IRS2: variants seen among roughly 807,000 people sequenced by gnomAD.
IRS2 encodes the protein insulin receptor substrate 2.
IRS2 carries 28 observed loss-of-function variants against 70.9 expected under a neutral mutation model. The ratio of observed to expected loss-of-function variants is 0.39; its 90% confidence interval spans 0.29 to 0.54. The LOEUF (loss-of-function observed/expected upper bound fraction) is 0.54, where lower values mean the gene tolerates loss of function less well. Among genes scored for constraint, IRS2 ranks in the 20% least tolerant of loss-of-function variants. IRS2 has a pLI of 0.59. For missense variants in IRS2, 2,081 were observed against 2,024.1 expected (o/e 1.03, Z -0.54); for synonymous variants, 1,217 against 981.9 (o/e 1.24, Z -4.48).
At chr13:109,764,688 T>C (rs1191001368) in intron 1 of IRS2, among the ~76,000 whole-genome samples, 1 of 152,190 alleles carries the variant, frequency 6.6e-6, no homozygotes, top group Admixed American at 6.5e-5. Context: ...ATGTTCTGGC[T>C]AATTTGTGGA....
chr13:109,784,108 GC>G lies in IRS2; in HGVS notation c.1945del (p.Ala649GlnfsTer8). The G allele has an allele frequency of 6.3e-7, 1 of 1,594,362 alleles. No homozygotes were observed. On this transcript the variant is annotated frameshift_variant, in exon 1 of 2. Coordinates refer to ENST00000375856, the MANE Select transcript of IRS2 (RefSeq NM_003749.3). LOFTEE classifies it high-confidence loss of function. The surrounding 1 kb of genome is among the most constrained non-coding windows in gnomAD (Gnocchi z 5.2). The stretch of plus-strand genomic sequence containing the variant: ...CGTCATGGGCATGTAGCCGTCGTCT[GC>G]CCCCAGGTTGCTGCTGGAGCTCCTG... ...SHRSSSSNLG[A>X]DDGYMPMTPG...
chr13:109,759,858 G>C (rs562321881), intron 1 of IRS2, among the ~76,000 whole-genome samples: 1 of 152,200 alleles, frequency 6.6e-6, no homozygotes, highest in African/African-American at 2.4e-5. Flanking sequence ...CCACCCACCT[G>C]ACAGCCACCC....
rs1465467067 is a variant in IRS2 at position 109,782,763 on chromosome 13, G to A, written c.3291C>T (p.Arg1097=). ...TCACGCCCGACGTCGGGCTGGCCACGCGGGCAGCTTCTGGCTTCGGGGGGG... is the reference window on the plus strand; with the variant it reads ...TCACGCCCGACGTCGGGCTGGCCACACGGGCAGCTTCTGGCTTCGGGGGGG... The part of the protein sequence containing the change: ...IAAPPKPEAA[R]VASPTSGVKR... The change falls in exon 1 of 2, where the codon CGC becomes CGT. Residue 1097 remains arginine, a synonymous_variant. Transcript: ENST00000375856. 3 of 1,602,692 alleles carry A rather than the reference G, an allele frequency of 1.9e-6. No individual in the cohort carries two copies. The highest frequency in any genetic ancestry group is 1.7e-5 in the Admixed American group (1 of 59,138).
In IRS2 at chr13:109,785,302, G is replaced by C. The variant is rs2138937971; in HGVS notation, c.752C>G (p.Ser251Trp). 6.2e-7 allele frequency: 1 copy of C among 1,609,302 alleles called. No individual in the cohort carries two copies. Among genetic ancestry groups the C allele is most frequent in the Non-Finnish European group, 8.5e-7 (1 of 1,178,634 alleles). Residue 251 changes from serine to tryptophan, a missense_variant, in exon 1 of 2, where the codon TCG (serine) becomes TGG (tryptophan). By Grantham distance (177) the Ser-to-Trp change is radical (BLOSUM62 -3). Around this residue, in one of 4 missense-constraint regions of IRS2, gnomAD observed 35 missense variants for 78.6 expected, o/e 0.45. Coordinates refer to ENST00000375856, the MANE Select transcript of IRS2 (RefSeq NM_003749.3). The surrounding 1 kb of genome is among the most constrained non-coding windows in gnomAD (Gnocchi z 9.3). ...QLMNIRRCGH[S>W]DSFFFIEVGR... ...CACCTCGATGAAGAAGAAGCTGTCC[G>C]AGTGGCCGCAGCGGCGGATGTTCAT... is the stretch of plus-strand genomic sequence containing the variant.
rs779858983 is a variant in IRS2, at chr13:109,785,769, G to C, written c.285C>G (p.Leu95=). Residue 95 remains leucine, a synonymous_variant, in exon 1 of 2, where the codon CTC becomes CTG. Coordinates refer to ENST00000375856, the MANE Select transcript of IRS2 (RefSeq NM_003749.3). The surrounding 1 kb of genome is among the most constrained non-coding windows in gnomAD (Gnocchi z 9.3). ...GCTTGTTGATGTTCAGGCAGCAGTC[G>C]AGAGCGATCACCCGTTTCGGCGCGC... ...KAGAPKRVIA[L]DCCLNINKRA... is the part of the protein sequence containing the mutation. 6.3e-7 allele frequency: 1 copy of C among 1,593,104 alleles called. No individual in the cohort carries two copies. Among genetic ancestry groups the C allele is most frequent in the Non-Finnish European group, 8.5e-7 (1 of 1,176,898 alleles).
At chr13:109,778,078 A>G (rs1053314703) in intron 1 of IRS2, among the ~76,000 whole-genome samples, 2 of 152,250 alleles carry the variant, frequency 1.3e-5, no homozygotes, top group Non-Finnish European at 2.9e-5. Context: ...TTTCAAAGCA[A>G]TAAGTATCAA....
chr13:109,777,579 A>T (rs939180008), intron 1 of IRS2, among the ~76,000 whole-genome samples: 15 of 152,212 alleles, frequency 9.9e-5, no homozygotes, highest in Non-Finnish European at 1.0e-4. Flanking sequence ...TGCAGGAATG[A>T]CCACCCTCAT....
At chr13:109,777,120 G>T (rs1877596254) in intron 1 of IRS2, among the ~76,000 whole-genome samples, 1 of 152,102 alleles carries the variant, frequency 6.6e-6, no homozygotes, top group Non-Finnish European at 1.5e-5. Flanking sequence ...AGGATGGGGG[G>T]CGGGGGGCAC....
chr13:109,755,166 C>T lies in IRS2; in HGVS notation c.*1138G>A, dbSNP rs1020273376. 1.3e-5 allele frequency: 3 copies of T among 229,780 alleles called. No individual in the cohort carries two copies. Among genetic ancestry groups the T allele is most frequent in the African/African-American group, 6.7e-5 (3 of 44,828 alleles). The allele number at this position is 229,780 out of a possible 1,614,324, so 14.2% of individuals were successfully genotyped here. A position where few individuals can be genotyped will look rare whatever the true frequency, so the allele number is the denominator to read the frequency against. ...GCTTTTCTTCTTTTTCTTTTTCCATCAATAACATAGGGGCTGGAATGCCTC... is the reference window on the plus strand; with the variant it reads ...GCTTTTCTTCTTTTTCTTTTTCCATTAATAACATAGGGGCTGGAATGCCTC... On this transcript the variant is annotated 3_prime_UTR_variant, in exon 2 of 2. Transcript: ENST00000375856.
Position 109,784,282 on chromosome 13 carries a change from G to T in IRS2, c.1772C>A (p.Ser591Tyr), listed in dbSNP as rs751949460. The T allele has an allele frequency of 6.3e-7, 1 of 1,596,326 alleles. No individual in the cohort carries two copies. The highest frequency in any genetic ancestry group is 1.7e-5 in the Admixed American group (1 of 59,150). ...GGTGTATTCATCCAGCGAGGCAGAG[G>T]AGGGCTGGGGCACCGGCCGCTGCCG... ...PARQRPVPQP[S>Y]SASLDEYTLM... is the part of the protein sequence containing the mutation. The change falls in exon 1 of 2, where the codon TCC becomes TAC. Residue 591 changes from serine (S) to tyrosine (Y), a missense_variant. Transcript: ENST00000375856. The surrounding 1 kb of genome is among the most constrained non-coding windows in gnomAD (Gnocchi z 5.2).
Position 109,753,821 on chromosome 13 carries a change from A to T in IRS2, c.*2483T>A, listed in dbSNP as rs1877046476. The stretch of plus-strand genomic sequence containing the variant: ...TTAAACAGAGAATTCGTACAGAAAA[A>T]ATCTTCAGGACTGTATTCATTTCAT... On this transcript the variant is annotated 3_prime_UTR_variant, in exon 2 of 2. Transcript: ENST00000375856. The T allele has an allele frequency of 4.7e-6, 1 of 214,132 alleles. No individual in the cohort carries two copies. Among genetic ancestry groups the T allele is most frequent in the Non-Finnish European group, 9.4e-6 (1 of 105,926 alleles). 13.3% of individuals were successfully genotyped at this position (214,132 alleles called of 1,614,324 possible). A position where few individuals can be genotyped will look rare whatever the true frequency, so the allele number is the denominator to read the frequency against.
chr13:109,783,127 G>C lies in IRS2; in HGVS notation c.2927C>G (p.Ser976Cys), dbSNP rs759366944. ...GCTGAAGTCGAGGTTCATGTAGTCGGAGAGCGGAGACCGCTGCCGGCTGTC... is the reference window on the plus strand; with the variant it reads ...GCTGAAGTCGAGGTTCATGTAGTCGCAGAGCGGAGACCGCTGCCGGCTGTC... ...SSDSRQRSPLSDYMNLDFSSP... is the reference protein window; with the variant it reads ...SSDSRQRSPLCDYMNLDFSSP... The change falls in exon 1 of 2, where the codon TCC (serine) becomes TGC (cysteine). Residue 976 changes from serine to cysteine, a missense_variant. Coordinates refer to ENST00000375856, the MANE Select transcript of IRS2 (RefSeq NM_003749.3). 7.2e-6 allele frequency: 10 copies of C among 1,387,796 alleles called. No individual in the cohort carries two copies. The highest frequency in any genetic ancestry group is 9.3e-6 in the Non-Finnish European group (10 of 1,077,890). The allele number at this position is 1,387,796 out of a possible 1,614,324, so 86.0% of individuals were successfully genotyped here.
chr13:109,783,776 G>C lies in IRS2; in HGVS notation c.2278C>G (p.Leu760Val). Residue 760 changes from leucine (L) to valine (V), a missense_variant, in exon 1 of 2, where the codon CTG becomes GTG. Leu to Val is a conservative substitution (Grantham distance 32). This residue lies in a region of IRS2 where 1,615 missense variants were observed against 1,459.5 expected (regional missense o/e 1.11). Coordinates refer to ENST00000375856, the MANE Select transcript of IRS2 (RefSeq NM_003749.3). ...TTGAGGTAGTCCCCGTTGGGCAGCAGCTTGCCATCTGCATGCTCCATGGAC... is the reference window on the plus strand; with the variant it reads ...TTGAGGTAGTCCCCGTTGGGCAGCACCTTGCCATCTGCATGCTCCATGGAC... ...KLSMEHADGK[L>V]LPNGDYLNVS... 1 of 1,597,568 alleles carries C rather than the reference G, an allele frequency of 6.3e-7. No homozygotes were observed. The highest frequency in any genetic ancestry group is 8.5e-7 in the Non-Finnish European group (1 of 1,172,564).
chr13:109,764,032 C>T (rs1162035299), intron 1 of IRS2, among the ~76,000 whole-genome samples: 1 of 152,150 alleles, frequency 6.6e-6, no homozygotes, highest in Non-Finnish European at 1.5e-5. Context: ...TAAAAGCCTC[C>T]TAAGAATCAC....
intron 1 of IRS2, among the ~76,000 whole-genome samples, chr13:109,779,174 A>G (rs1270752428): frequency 6.6e-6 from 1 of 152,242 alleles, no homozygotes; most frequent in Non-Finnish European, 1.5e-5. Context: ...AGTGCCAGAC[A>G]TGGCTGGAAC....
chr13:109,770,285 G>A (rs1158044153), intron 1 of IRS2, among the ~76,000 whole-genome samples: 3 of 152,172 alleles, frequency 2.0e-5, no homozygotes, highest in Admixed American at 1.3e-4. Context: ...CTACAAAAAG[G>A]AGCCAAGAAA....
intron 1 of IRS2, among the ~76,000 whole-genome samples, chr13:109,781,712 C>T (rs1877706938): frequency 6.6e-6 from 1 of 152,106 alleles, no homozygotes; most frequent in African/African-American, 2.4e-5. Flanking sequence ...GCCCCGCGGC[C>T]TCTAGTGTGG....
Position 109,784,769 on chromosome 13 carries a change from G to A in IRS2, c.1285C>T (p.Arg429Cys), listed in dbSNP as rs1221799889. The A allele has an allele frequency of 2.4e-6, 3 of 1,252,562 alleles. 1 individual carries two copies. The highest frequency in any genetic ancestry group is 3.2e-5 in the African/African-American group (2 of 63,484). 77.6% of individuals were successfully genotyped at this position (1,252,562 alleles called of 1,614,324 possible). A position where few individuals can be genotyped will look rare whatever the true frequency, so the allele number is the denominator to read the frequency against. ...LPAGGALQHS[R>C]SMSMPVAHSP... Reference sequence around the variant, plus strand: ...TGCGCCACGGGCATGGACATGGAGCGGCTGTGTTGCAGCGCGCCCCCTGCC... The same window carrying A: ...TGCGCCACGGGCATGGACATGGAGCAGCTGTGTTGCAGCGCGCCCCCTGCC... The change falls in exon 1 of 2, where the codon CGC becomes TGC. Residue 429 changes from arginine to cysteine, a missense_variant. Around this residue, in one of 4 missense-constraint regions of IRS2, gnomAD observed 1,615 missense variants for 1,459.5 expected, o/e 1.11. Coordinates refer to ENST00000375856, the MANE Select transcript of IRS2 (RefSeq NM_003749.3). The surrounding 1 kb of genome is among the most constrained non-coding windows in gnomAD (Gnocchi z 5.2).
At chr13:109,761,949 T>C (rs74468471) in intron 1 of IRS2, among the ~76,000 whole-genome samples, 2,898 of 152,288 alleles carry the variant, frequency 0.019, 79 homozygotes, top group African/African-American at 0.064. Flanking sequence ...TAGTAAAAGG[T>C]ATCTCCCCCT....
Sources: allele counts gnomAD v4.1 joint callset (sites outside exome capture counted in the v4.1 genomes callset), GRCh38; gene constraint gnomAD v4.1.1; regional missense constraint gnomAD v4.1.1; non-coding constraint Gnocchi (gnomAD v3.1); transcripts MANE v1.5; gene names NCBI Gene and HGNC (gene_info 2026-07-23, HGNC 2026-07-21).